The following DSCAM variants were observed in gnomAD, a reference collection of about 807,000 sequenced individuals.
DSCAM encodes the protein DS cell adhesion molecule, also known as cell adhesion molecule DSCAM.
In DSCAM, 47 loss-of-function variants were observed where a neutral mutation model predicts 217.7. The ratio of observed to expected loss-of-function variants is 0.22; its 90% CI spans 0.17 to 0.28. The LOEUF is 0.28. Ranked by LOEUF, DSCAM falls within the 10% of genes least tolerant of loss-of-function variation. DSCAM has a pLI of 1.00. For missense variants in DSCAM, 2,080 were observed against 2,618.3 expected (o/e 0.79, Z 4.49); for synonymous variants, 1,056 against 1,015.3 (o/e 1.04, Z -0.76).
chr21:40,357,821 C>A (rs2074711861), intron 4 of DSCAM, among the ~76,000 whole-genome samples: 1 of 151,272 alleles, frequency 6.6e-6, no homozygotes, highest in Non-Finnish European at 1.5e-5. Flanking sequence ...TGTAACGAAC[C>A]TGCACGTTGT....
intron 3 of DSCAM, among the ~76,000 whole-genome samples, chr21:40,555,306 A>T (rs1483712328): frequency 6.6e-6 from 1 of 152,222 alleles, no homozygotes; most frequent in East Asian, 1.9e-4. Flanking sequence ...CTCTTTAATC[A>T]GGCAGATATT....
At position 40,777,057 on chromosome 21, in the gene DSCAM, A is replaced by G. The variant is rs550373778; in HGVS notation, c.44-68286T>C. ...ATAGACTGGATGACTTATAAACAAC[A>G]TGTATTTCTCACAGTTCTGGAGGCC... On this transcript the variant is annotated intron_variant, in intron 1 of 32. Coordinates refer to ENST00000400454, the MANE Select transcript of DSCAM (RefSeq NM_001389.5). 1.4e-4 allele frequency among the ~76,000 whole-genome samples: 22 copies of G among 152,302 alleles called. No homozygotes were observed. In the South Asian group the frequency reaches 4.4e-3, roughly 30 times the overall value.
chr21:40,246,222 A>C (rs942907919), intron 11 of DSCAM, among the ~76,000 whole-genome samples: 1 of 151,726 alleles, frequency 6.6e-6, no homozygotes, highest in Middle Eastern at 3.2e-3. Flanking sequence ...GTCCAGAAAG[A>C]AGCAGAAAAG....
intron 20 of DSCAM, among the ~76,000 whole-genome samples, chr21:40,097,978 G>A (rs79663742): frequency 0.012 from 609 of 52,432 alleles, 106 homozygotes; most frequent in African/African-American, 0.025. Flanking sequence ...AAGAAAGAAA[G>A]AAAGAAAGAA....
intron 10 of DSCAM, among the ~76,000 whole-genome samples, chr21:40,277,109 A>G (rs558111921): frequency 7.2e-5 from 11 of 152,176 alleles, no homozygotes; most frequent in African/African-American, 2.4e-4. Flanking sequence ...GGAGAATGGG[A>G]TTCAGGCCTT....
At chr21:40,729,257 C>T (rs1320156590) in intron 1 of DSCAM, among the ~76,000 whole-genome samples, 1 of 152,162 alleles carries the variant, frequency 6.6e-6, no homozygotes, top group Admixed American at 6.6e-5. Context: ...TCGTGAGGAA[C>T]AGAGCTGGGA....
At chr21:40,806,445 C>T (rs1443166498) in intron 1 of DSCAM, among the ~76,000 whole-genome samples, 1 of 152,188 alleles carries the variant, frequency 6.6e-6, no homozygotes, top group Non-Finnish European at 1.5e-5. Flanking sequence ...CAGTCTAGCT[C>T]TTGCAATACA....
chr21:40,486,642 C>T (rs1343237947), intron 3 of DSCAM, among the ~76,000 whole-genome samples: 1 of 152,076 alleles, frequency 6.6e-6, no homozygotes, highest in Non-Finnish European at 1.5e-5. Context: ...CAGGTTTTAA[C>T]CTTGAAGTGC....
At chr21:40,727,222 G>T (rs985260883) in intron 1 of DSCAM, among the ~76,000 whole-genome samples, 1 of 152,084 alleles carries the variant, frequency 6.6e-6, no homozygotes, top group Non-Finnish European at 1.5e-5. Context: ...TCTCAAACAC[G>T]CAAGACTTTA....
At chr21:40,841,808 G>A (rs995783453) in intron 1 of DSCAM, among the ~76,000 whole-genome samples, 3 of 152,200 alleles carry the variant, frequency 2.0e-5, no homozygotes, top group African/African-American at 7.2e-5. Flanking sequence ...ACCCTTCTGC[G>A]GGCCCGCTAC....
chr21:40,415,466 A>G (rs2075362026), intron 3 of DSCAM, among the ~76,000 whole-genome samples: 1 of 152,234 alleles, frequency 6.6e-6, no homozygotes, highest in Non-Finnish European at 1.5e-5. Context: ...CTAATGAATG[A>G]CCCAGGTCTG....
At chr21:40,783,749 G>A (rs1486899370) in intron 1 of DSCAM, among the ~76,000 whole-genome samples, 2 of 152,210 alleles carry the variant, frequency 1.3e-5, no homozygotes, top group Admixed American at 6.5e-5. Context: ...GCATTAAAAT[G>A]TCTTTCATAT....
rs58463360 is a variant in DSCAM at position 40,622,825 on chromosome 21, T to A, written c.508+69985A>T. On this transcript the variant is annotated intron_variant, in intron 3 of 32. Coordinates refer to ENST00000400454, the MANE Select transcript of DSCAM (RefSeq NM_001389.5). ...TCCGAGTCTGCCCCCAGGAAATACC[T>A]GTTTAGAGTTAAAAGCACTTAACAC... is the stretch of plus-strand genomic sequence containing the variant. 3.2e-3 allele frequency among the ~76,000 whole-genome samples: 487 copies of A among 151,512 alleles called. 5 individuals carry two copies. Among genetic ancestry groups the A allele is most frequent in the African/African-American group, 0.011 (457 of 41,224 alleles).
chr21:40,704,680 C>A (rs1402808533), intron 2 of DSCAM, among the ~76,000 whole-genome samples: 1 of 152,106 alleles, frequency 6.6e-6, no homozygotes, highest in Admixed American at 6.5e-5. Flanking sequence ...CCCATCACTG[C>A]ACTCCGACCT....
chr21:40,420,335 T>G (rs913561811), intron 3 of DSCAM, among the ~76,000 whole-genome samples: 10 of 152,208 alleles, frequency 6.6e-5, no homozygotes, highest in Non-Finnish European at 1.3e-4. Flanking sequence ...GGTTCTGGAT[T>G]TCGTTTATCT....
At chr21:40,563,013 G>A (rs372482741) in intron 3 of DSCAM, among the ~76,000 whole-genome samples, 2 of 152,114 alleles carry the variant, frequency 1.3e-5, no homozygotes, top group African/African-American at 4.8e-5. Context: ...TGCAGAATTT[G>A]GCTGATAGAG....
rs987560764 is a variant in DSCAM, at chr21:40,522,736, G to A, written c.509-153491C>T. On this transcript the variant is annotated intron_variant, in intron 3 of 32. Coordinates refer to ENST00000400454, the MANE Select transcript of DSCAM (RefSeq NM_001389.5). ...ATCTCTGTATCTAAAGAGAATTTTC[G>A]TCAAGAGTTTTCGAGATTCAGATGC... Among the ~76,000 whole-genome samples, 11 of 152,270 alleles carry A rather than the reference G, an allele frequency of 7.2e-5. No individual in the cohort carries two copies. The South Asian group carries it at 1.0e-3, about 14-fold the overall frequency.
intron 3 of DSCAM, among the ~76,000 whole-genome samples, chr21:40,448,803 G>C (rs904149997): frequency 1.3e-5 from 2 of 152,046 alleles, no homozygotes; most frequent in Admixed American, 1.3e-4. Context: ...TCTGGATGGA[G>C]GGTGAAAAGG....
chr21:40,400,170 G>T (rs559989539), intron 3 of DSCAM, among the ~76,000 whole-genome samples: 1 of 152,182 alleles, frequency 6.6e-6, no homozygotes, highest in South Asian at 2.1e-4. Context: ...ACCATAAAGA[G>T]GTTTCATTAT....
Sources: allele counts gnomAD v4.1 joint callset (sites outside exome capture counted in the v4.1 genomes callset), GRCh38; gene constraint gnomAD v4.1.1; transcripts MANE v1.5; gene names NCBI Gene and HGNC (gene_info 2026-07-23, HGNC 2026-07-21).